RAB33A: variants seen among roughly 807,000 people sequenced by gnomAD.
RAB33A encodes RAB33A, member RAS oncogene family, also known as ras-related protein Rab-33A.
A neutral mutation model predicts 12.0 loss-of-function variants in RAB33A; 6 were observed. The observed-to-expected ratio is 0.50, with a 90% confidence interval of 0.27 to 0.99. RAB33A has a LOEUF of 0.99. Among genes scored for constraint, RAB33A ranks in the 50% least tolerant of loss-of-function variants. The pLI, the probability that RAB33A is intolerant of heterozygous loss-of-function variation, is 0.11. For synonymous variants in RAB33A, 70 were observed against 82.4 expected (o/e 0.85, Z 0.81); for missense variants, 109 against 192.0 (o/e 0.57, Z 2.55).
At chrX:130,119,535 A>G in the RAB33A span, among the ~76,000 whole-genome samples, 1 of 111,034 alleles carries the variant, frequency 9.0e-6, no homozygotes, top group Non-Finnish European at 1.9e-5. Flanking sequence ...GGGGACGTCA[A>G]GCTTTGCTGA....
At chrX:130,164,061 T>C in the RAB33A span, among the ~76,000 whole-genome samples, 2 of 105,439 alleles carry the variant, frequency 1.9e-5, no homozygotes, top group African/African-American at 7.0e-5. Flanking sequence ...CCAGCTACTC[T>C]GGAGGCTGAG....
At chrX:130,143,268 A>T in the RAB33A span, among the ~76,000 whole-genome samples, 22 of 111,823 alleles carry the variant, frequency 2.0e-4, no homozygotes, top group Non-Finnish European at 4.0e-4. Flanking sequence ...CGTGGCAGTC[A>T]TATGTCCAAC....
At chrX:130,114,929 G>A in the RAB33A span, among the ~76,000 whole-genome samples, 3 of 110,999 alleles carry the variant, frequency 2.7e-5, no homozygotes, top group Non-Finnish European at 3.8e-5. Flanking sequence ...TTGGCCTCCG[G>A]GGTAGCTGGG....
chrX:130,111,326 C>T, the RAB33A span, among the ~76,000 whole-genome samples: 7 of 112,619 alleles, frequency 6.2e-5, no homozygotes, highest in African/African-American at 2.2e-4. Flanking sequence ...CCCTTCCCCG[C>T]GGACTCGGGA....
At chrX:130,161,175 G>C in the RAB33A span, among the ~76,000 whole-genome samples, 1 of 111,077 alleles carries the variant, frequency 9.0e-6, no homozygotes, top group Non-Finnish European at 1.9e-5. Flanking sequence ...ATACGTTCTT[G>C]AGACTTGTTT....
the RAB33A span, among the ~76,000 whole-genome samples, chrX:130,148,082 A>G: frequency 1.8e-5 from 2 of 112,674 alleles, no homozygotes. Context: ...AGTGAAAAAT[A>G]GGAGAATGAT....
the RAB33A span, among the ~76,000 whole-genome samples, chrX:130,153,885 G>A: frequency 1.8e-5 from 2 of 111,997 alleles, no homozygotes; most frequent in Non-Finnish European, 3.8e-5. Flanking sequence ...CACTCAGTCC[G>A]TGGTGTTTTG....
At chrX:130,111,135 C>T in the RAB33A span, among the ~76,000 whole-genome samples, 3 of 109,341 alleles carry the variant, frequency 2.7e-5, no homozygotes, top group East Asian at 2.9e-4. Context: ...GCCTCTCATT[C>T]CCCTCGCGGC....
chrX:130,171,196 C>T (rs2031601571), upstream of RAB33A, among the ~76,000 whole-genome samples: 1 of 113,166 alleles, frequency 8.8e-6, no homozygotes, highest in Non-Finnish European at 1.9e-5. Flanking sequence ...CTGTACAGGC[C>T]CCGGACAACC....
At chrX:130,140,967 T>C in the RAB33A span, among the ~76,000 whole-genome samples, 129 of 111,646 alleles carry the variant, frequency 1.2e-3, no homozygotes, top group African/African-American at 3.7e-3. Flanking sequence ...AATACAAAAA[T>C]TGGCCAGGTG....
chrX:130,183,153 C>T (rs1163970806), intron 1 of RAB33A, among the ~76,000 whole-genome samples: 1 of 108,573 alleles, frequency 9.2e-6, no homozygotes, highest in Non-Finnish European at 1.9e-5. Context: ...GATGATCCAC[C>T]TGCCTCAGCC....
the RAB33A span, among the ~76,000 whole-genome samples, chrX:130,142,876 C>T: frequency 2.7e-5 from 3 of 111,675 alleles, no homozygotes; most frequent in East Asian, 5.6e-4. Flanking sequence ...TAACTCCAGA[C>T]CTCAAGTGAT....
the RAB33A span, among the ~76,000 whole-genome samples, chrX:130,142,512 G>T: frequency 8.9e-6 from 1 of 111,753 alleles, no homozygotes; most frequent in Non-Finnish European, 1.9e-5. Flanking sequence ...TAACATGCTT[G>T]TCCCATCCAA....
the RAB33A span, among the ~76,000 whole-genome samples, chrX:130,154,299 T>C: frequency 1.8e-5 from 2 of 112,047 alleles, no homozygotes; most frequent in Non-Finnish European, 1.9e-5. Flanking sequence ...AAAATTTGCA[T>C]GGTCAACTCT....
chrX:130,159,979 G>A, the RAB33A span, among the ~76,000 whole-genome samples: 35 of 109,381 alleles, frequency 3.2e-4, no homozygotes, highest in African/African-American at 5.0e-4. Context: ...AGCCACCAAC[G>A]CCCAGCTAAT....
At chrX:130,136,102 T>C in the RAB33A span, 5 of 1,211,904 alleles carry the variant, frequency 4.1e-6, no homozygotes, top group Non-Finnish European at 5.6e-6. Context: ...CACCAAAATC[T>C]GAGTCTATTT....
At chrX:130,165,939 G>A in the RAB33A span, 1 of 386,087 alleles carries the variant, frequency 2.6e-6, no homozygotes, top group Non-Finnish European at 4.6e-6. Context: ...CTGGCCGCAA[G>A]CTCGCAAAGA....
the RAB33A span, among the ~76,000 whole-genome samples, chrX:130,151,001 G>GAA: frequency 1.4e-5 from 1 of 69,246 alleles, no homozygotes; most frequent in African/African-American, 6.6e-5. Flanking sequence ...AAAAAGAAAA[G>GAA]AAAAACCTAC....
chrX:130,136,693 C>T, the RAB33A span: 5 of 1,210,787 alleles, frequency 4.1e-6, no homozygotes, highest in African/African-American at 1.7e-5. Context: ...CTGACTCCAA[C>T]GGATTGCACA....
Sources: gnomAD v4.1 joint callset for allele counts (sites outside exome capture counted in the v4.1 genomes callset) on GRCh38, gnomAD v4.1.1 for gene constraint, MANE v1.5 for transcripts, NCBI Gene and HGNC (gene_info 2026-07-23, HGNC 2026-07-21) for gene names.